The following JAK2 variants were observed in gnomAD, a reference collection of about 807,000 sequenced individuals.
JAK2 encodes the protein tyrosine-protein kinase JAK2.
JAK2 carries 86 observed loss-of-function variants against 139.3 expected under a neutral mutation model. The ratio of observed to expected loss-of-function variants is 0.62; its 90% confidence interval spans 0.52 to 0.74. JAK2 has a LOEUF of 0.74. JAK2 is among the 30% of genes least tolerant of loss of function. The pLI, the probability that JAK2 is intolerant of heterozygous loss-of-function variation, is 0.00. For missense variants in JAK2, 1,421 were observed against 1,360.3 expected (o/e 1.04, Z -0.70); for synonymous variants, 490 against 437.7 (o/e 1.12, Z -1.49).
At chr9:5,109,083 T>G (rs966018093) in intron 22 of JAK2, 21 of 152,128 alleles carry the variant, frequency 1.4e-4, no homozygotes, top group Non-Finnish European at 1.8e-4. Flanking sequence ...ATTCTCCTGA[T>G]CAAACATCAC....
In JAK2 at chr9:5,103,374, T is replaced by C. The variant is rs557873012; in HGVS notation, c.3059+12463T>C. On this transcript the variant is annotated intron_variant, in intron 22 of 24. Transcript: ENST00000381652. ...TCAACTGGGCAAGAAGAGCTAACTA[T>C]ACTAAATATATAGGTACCCAATACA... Among the ~76,000 whole-genome samples the C allele has an allele frequency of 1.2e-4, 18 of 149,046 alleles. 1 individual carries two copies. Among genetic ancestry groups the C allele is most frequent in the African/African-American group, 4.3e-4 (17 of 39,474 alleles).
chr9:5,064,743 T>G (rs1033960885), intron 8 of JAK2, 140 bp from the exon 9 acceptor site: 1 of 501,762 alleles, frequency 2.0e-6, no homozygotes, highest in Non-Finnish European at 3.4e-6. Flanking sequence ...AATTTGTAAT[T>G]CATATTGAGT....
rs562453789 is a variant in JAK2, at chr9:5,091,055, T to TTAGGTC, written c.3059+146_3059+151dup. ...AAGTCTTACATTTAACTTTTTTTTT[T>TTAGGTC]TAGGTCTTATAGTCATGGTTATAGT... On this transcript the variant is annotated intron_variant, in intron 22 of 24. Transcript: ENST00000381652. 1.4e-3 allele frequency: 883 copies of TTAGGTC among 610,670 alleles called. 10 individuals carry two copies. In the African/African-American group the frequency reaches 0.015, roughly 10 times the overall value. 37.8% of individuals were successfully genotyped at this position (610,670 alleles called of 1,614,324 possible).
rs1564031409 is a variant in JAK2, at chr9:5,128,097, TGTGTG to T, written c.*1307_*1311del. On this transcript the variant is annotated 3_prime_UTR_variant, in exon 25 of 25. Transcript: ENST00000381652. ...GGTGGGTTTTGTGTGTGTGTGTGTG[TGTGTG>T]TGTGTGTGTGTGTGTGTGTTATTTA... 9.1e-4 allele frequency: 211 copies of T among 231,804 alleles called. 2 individuals carry two copies. The highest frequency in any genetic ancestry group is 4.5e-3 in the African/African-American group (204 of 45,150). 14.4% of individuals were successfully genotyped at this position (231,804 alleles called of 1,614,324 possible).
intron 23 of JAK2, among the ~76,000 whole-genome samples, chr9:5,125,665 T>C (rs1188088817): frequency 7.1e-6 from 1 of 141,594 alleles, no homozygotes; most frequent in Non-Finnish European, 1.5e-5. Context: ...TTGGTTATTA[T>C]ATTTTTATGT....
At chr9:5,124,854 A>G (rs1272317926) in intron 23 of JAK2, among the ~76,000 whole-genome samples, 1 of 151,626 alleles carries the variant, frequency 6.6e-6, no homozygotes, top group Non-Finnish European at 1.5e-5. Flanking sequence ...TAGTAAGCCT[A>G]GGACTCACTT....
chr9:5,018,378 C>T (rs1176259480), intron 2 of JAK2, among the ~76,000 whole-genome samples: 1 of 152,140 alleles, frequency 6.6e-6, no homozygotes, highest in Non-Finnish European at 1.5e-5. Flanking sequence ...TTCTGTCCTC[C>T]AGGCTGGAGT....
chr9:5,039,252 A>G (rs1816309589), intron 4 of JAK2, among the ~76,000 whole-genome samples: 1 of 152,160 alleles, frequency 6.6e-6, no homozygotes, highest in Admixed American at 6.5e-5. Context: ...TTTCACATCC[A>G]TGGATTAAAC....
chr9:5,048,542 C>T (rs1299111158), intron 5 of JAK2, among the ~76,000 whole-genome samples: 3 of 152,120 alleles, frequency 2.0e-5, no homozygotes, highest in East Asian at 1.9e-4. Flanking sequence ...TGCCTGTTCT[C>T]AAAAGTGTGG....
chr9:5,068,977 C>A, intron 10 of JAK2, 45 bp from the exon 11 acceptor site: 2 of 1,076,060 alleles, frequency 1.9e-6, no homozygotes, highest in South Asian at 1.6e-5. Context: ...ACTGTGATGT[C>A]CATTGTGACT....
chr9:5,061,062 C>T (rs959733596), intron 8 of JAK2, among the ~76,000 whole-genome samples: 1 of 152,152 alleles, frequency 6.6e-6, no homozygotes, highest in East Asian at 1.9e-4. Context: ...CAGATCTTAA[C>T]AATGGGCTTA....
Position 5,077,457 on chromosome 9 carries a change from T to C in JAK2, c.1869T>C (p.Ile623=). ...ATTACTTATATTTTAATGCAGATAT[T>C]CTGGTTCAGGAGTTTGTAAAATTTG... The part of the protein sequence containing the change: ...YGVCVCGDEN[I]LVQEFVKFGS... Residue 623 remains isoleucine (I), a synonymous_variant, in exon 15 of 25, where the codon ATT becomes ATC. Transcript: ENST00000381652. The C allele has an allele frequency of 1.8e-6, 2 of 1,107,814 alleles. No homozygotes were observed. Among genetic ancestry groups the C allele is most frequent in the Non-Finnish European group, 2.5e-6 (2 of 811,852 alleles). The allele number at this position is 1,107,814 out of a possible 1,614,324, so 68.6% of individuals were successfully genotyped here. A position where few individuals can be genotyped will look rare whatever the true frequency, so the allele number is the denominator to read the frequency against.
intron 22 of JAK2, among the ~76,000 whole-genome samples, chr9:5,116,493 C>G (rs997191134): frequency 6.6e-6 from 1 of 152,126 alleles, no homozygotes; most frequent in Non-Finnish European, 1.5e-5. Flanking sequence ...CTGTTTTGGC[C>G]ATATCCCCAG....
chr9:5,024,936 CT>C (rs531435494), intron 3 of JAK2, among the ~76,000 whole-genome samples: 2 of 152,188 alleles, frequency 1.3e-5, no homozygotes, highest in African/African-American at 4.8e-5. Context: ...ATCTTCAAGA[CT>C]TTGCTTAACT....
intron 2 of JAK2, among the ~76,000 whole-genome samples, chr9:5,012,763 G>C (rs1454735773): frequency 6.6e-6 from 1 of 152,176 alleles, no homozygotes; most frequent in Admixed American, 6.5e-5. Context: ...TAATTTAGTA[G>C]TGGAAAGAGC....
chr9:5,034,428 C>G (rs1298426596), intron 4 of JAK2, among the ~76,000 whole-genome samples: 5 of 152,158 alleles, frequency 3.3e-5, no homozygotes, highest in Non-Finnish European at 7.3e-5. Flanking sequence ...CCCAAATCAA[C>G]AGAATATATA....
intron 22 of JAK2, among the ~76,000 whole-genome samples, chr9:5,121,354 T>TG (rs1823604512): frequency 6.6e-6 from 1 of 152,222 alleles, no homozygotes; most frequent in Admixed American, 6.5e-5. Flanking sequence ...AGTCCTCAAG[T>TG]AAGAAGACTT....
chr9:5,105,404 G>A (rs548972227), intron 22 of JAK2, among the ~76,000 whole-genome samples: 1 of 152,310 alleles, frequency 6.6e-6, no homozygotes, highest in East Asian at 1.9e-4. Context: ...ACTGCTCAAT[G>A]AAATACAAGA....
At chr9:5,043,569 C>A (rs917821195) in intron 4 of JAK2, among the ~76,000 whole-genome samples, 8 of 152,088 alleles carry the variant, frequency 5.3e-5, no homozygotes, top group African/African-American at 1.9e-4. Flanking sequence ...CAAAGAGTTA[C>A]CATATGACTC....
Sources: gnomAD v4.1 joint callset for allele counts (sites outside exome capture counted in the v4.1 genomes callset) on GRCh38, gnomAD v4.1.1 for gene constraint, MANE v1.5 for transcripts, NCBI Gene and HGNC (gene_info 2026-07-23, HGNC 2026-07-21) for gene names.